MKNK1: variants seen among roughly 807,000 people sequenced by gnomAD.
MKNK1 encodes the protein MAPK interacting serine/threonine kinase 1, also known as MAP kinase-interacting serine/threonine-protein kinase 1.
A neutral mutation model predicts 49.3 loss-of-function variants in MKNK1; 30 were observed. That is an observed-to-expected ratio of 0.61 (90% CI 0.46 to 0.83). MKNK1 has a LOEUF of 0.83. Ranked by LOEUF, MKNK1 falls within the 40% of genes least tolerant of loss-of-function variation. MKNK1 has a pLI of 0.00. For missense variants in MKNK1, 423 were observed against 524.7 expected (o/e 0.81, Z 1.89); for synonymous variants, 176 against 201.7 (o/e 0.87, Z 1.08).
At chr1:46,563,732 C>T (rs112588047) in intron 9 of MKNK1, among the ~76,000 whole-genome samples, 52 of 152,254 alleles carry the variant, frequency 3.4e-4, no homozygotes, top group African/African-American at 1.2e-3. Context: ...TAAATATGCC[C>T]TTAAAGGGCA....
chr1:46,597,290 C>T (rs1005959331), intron 1 of MKNK1, among the ~76,000 whole-genome samples: 4 of 132,808 alleles, frequency 3.0e-5, no homozygotes, highest in Non-Finnish European at 4.7e-5. Flanking sequence ...CTTCTACAGA[C>T]GTTTTAGAGC....
At chr1:46,587,495 C>T (rs761461035) in intron 2 of MKNK1, among the ~76,000 whole-genome samples, 5 of 152,150 alleles carry the variant, frequency 3.3e-5, no homozygotes, top group Admixed American at 6.6e-5. Flanking sequence ...AAAACACACC[C>T]GCCCTGTCTA....
intron 8 of MKNK1, among the ~76,000 whole-genome samples, chr1:46,567,652 A>G (rs1227014257): frequency 6.6e-6 from 1 of 152,196 alleles, no homozygotes; most frequent in Non-Finnish European, 1.5e-5. Flanking sequence ...CTTATTTATG[A>G]GCCGCGGCTT....
At chr1:46,599,194 A>G (rs1437129009) in intron 1 of MKNK1, among the ~76,000 whole-genome samples, 1 of 152,224 alleles carries the variant, frequency 6.6e-6, no homozygotes, top group African/African-American at 2.4e-5. Context: ...AAGGAAAGAA[A>G]CAGACTGAGG....
intron 2 of MKNK1, among the ~76,000 whole-genome samples, chr1:46,588,604 G>A: frequency 6.6e-6 from 1 of 152,072 alleles, no homozygotes; most frequent in Admixed American, 6.6e-5. Flanking sequence ...TCAGGAGATC[G>A]AGACCATCTT....
intron 2 of MKNK1, among the ~76,000 whole-genome samples, chr1:46,588,204 A>C (rs1203622287): frequency 1.3e-5 from 2 of 152,330 alleles, no homozygotes; most frequent in Middle Eastern, 3.4e-3. Flanking sequence ...AGTTTTCTCT[A>C]TGTGATGGGG....
At chr1:46,561,253 G>A (rs756678151) in intron 11 of MKNK1, among the ~76,000 whole-genome samples, 2 of 152,328 alleles carry the variant, frequency 1.3e-5, no homozygotes, top group African/African-American at 4.8e-5. Flanking sequence ...CTCTGTTGGG[G>A]CTTAGTCTGT....
intron 12 of MKNK1, 60 bp downstream of exon 12, chr1:46,560,174 C>T (rs1667683775): frequency 6.3e-7 from 1 of 1,593,704 alleles, no homozygotes; most frequent in Non-Finnish European, 8.6e-7. Flanking sequence ...CCGGCCCCCA[C>T]CCCCATGGTG....
chr1:46,576,535 C>T (rs936407572), intron 5 of MKNK1, 40 bp downstream of exon 5: 18 of 1,538,582 alleles, frequency 1.2e-5, no homozygotes, highest in Admixed American at 1.2e-4. Flanking sequence ...TGTGGCCAAG[C>T]GTCCCCCCAG....
chr1:46,588,738 G>A (rs572461802), intron 2 of MKNK1, among the ~76,000 whole-genome samples: 1 of 151,530 alleles, frequency 6.6e-6, no homozygotes, highest in South Asian at 2.1e-4. Context: ...ACCCCGGGGG[G>A]CGGAGCCTGC....
Position 46,565,155 on chromosome 1 carries a change from G to T in MKNK1, c.514-19C>A. On this transcript the variant is annotated intron_variant, in intron 8 of 12. Coordinates refer to ENST00000371945, the MANE Select transcript of MKNK1 (RefSeq NM_001135553.4). ...GAGACACCTGAAAAGGAAAACAGAA[G>T]ACAGGGTCACAGATATAAGAAACTA... The T allele has an allele frequency of 6.2e-7, 1 of 1,609,998 alleles. No homozygotes were observed. Among genetic ancestry groups the T allele is most frequent in the Non-Finnish European group, 8.5e-7 (1 of 1,176,224 alleles).
At position 46,562,708 on chromosome 1, in the gene MKNK1, C is replaced by G. The variant is rs775553250; in HGVS notation, c.745G>C (p.Val249Leu). The stretch of plus-strand genomic sequence containing the variant: ...CCACAGTCGGCCCCGCAGTGACCCA[C>G]GAAGGGTGGGTAGCCACTCAGCATG... ...YIMLSGYPPF[V>L]GHCGADCGWD... The change falls in exon 10 of 13, where the codon GTG (valine) becomes CTG (leucine). Residue 249 changes from valine (V) to leucine (L), a missense_variant. Val to Leu is a conservative substitution (Grantham distance 32). Transcript: ENST00000371945. 1.9e-6 allele frequency: 3 copies of G among 1,582,360 alleles called. No homozygotes were observed. The highest frequency in any genetic ancestry group is 1.3e-5 in the African/African-American group (1 of 74,482).
rs549775224 is a variant in MKNK1 at position 46,590,625 on chromosome 1, G to C, written c.-3+3488C>G. Among the ~76,000 whole-genome samples the C allele has an allele frequency of 2.0e-3, 307 of 152,336 alleles. 2 individuals carry two copies. The highest frequency in any genetic ancestry group is 1.8e-4 in the Non-Finnish European group (12 of 68,034). On this transcript the variant is annotated intron_variant, in intron 2 of 12. Transcript: ENST00000371945. ...AATTCAAGCTTTTAACCATTACACT[G>C]TATTTAAACCTTAATGCTGAAAGGC... is the stretch of plus-strand genomic sequence containing the variant.
intron 1 of MKNK1, 74 bp from the exon 2 acceptor site, chr1:46,594,354 T>A (rs1247194271): frequency 8.0e-6 from 5 of 625,182 alleles, no homozygotes; most frequent in African/African-American, 7.3e-5. Flanking sequence ...GAAAGATCAA[T>A]CTGAACGTGC....
At chr1:46,602,447 T>C (rs1674857847) in intron 1 of MKNK1, among the ~76,000 whole-genome samples, 1 of 152,110 alleles carries the variant, frequency 6.6e-6, no homozygotes. Flanking sequence ...CTAGTTTATT[T>C]TGACTGAAGC....
chr1:46,599,976 A>G (rs1293877517), intron 1 of MKNK1, among the ~76,000 whole-genome samples: 6 of 149,160 alleles, frequency 4.0e-5, no homozygotes, highest in African/African-American at 9.9e-5. Flanking sequence ...CTCCTCACCA[A>G]CTCCTCTCCC....
intron 6 of MKNK1, 161 bp downstream of exon 6, chr1:46,574,786 T>C: frequency 1.7e-6 from 1 of 583,396 alleles, no homozygotes; most frequent in East Asian, 2.9e-5. Flanking sequence ...CTAATTATCA[T>C]CCTTCCCTCC....
In MKNK1 at chr1:46,565,731, C is replaced by G. The variant is rs541534056; in HGVS notation, c.514-595G>C. ...TGGATGCTGTGCCTGAGACCACAGA[C>G]AGGTGCCTCATCTCTGGAGCCAACC... is the stretch of plus-strand genomic sequence containing the variant. On this transcript the variant is annotated intron_variant, in intron 8 of 12. Transcript: ENST00000371945. Among the ~76,000 whole-genome samples, 18 of 152,306 alleles carry G rather than the reference C, an allele frequency of 1.2e-4. No homozygotes were observed. The South Asian group carries it at 3.7e-3, about 32-fold the overall frequency.
At chr1:46,597,187 C>T (rs1674180804) in intron 1 of MKNK1, among the ~76,000 whole-genome samples, 1 of 151,972 alleles carries the variant, frequency 6.6e-6, no homozygotes, top group Admixed American at 6.6e-5. Context: ...CTTAAGTAGG[C>T]TGGGCCTGGC....
Sources: allele counts gnomAD v4.1 joint callset (sites outside exome capture counted in the v4.1 genomes callset), GRCh38; gene constraint gnomAD v4.1.1; transcripts MANE v1.5; gene names NCBI Gene and HGNC (gene_info 2026-07-23, HGNC 2026-07-21).